Variants in ARSG observed in about 807,000 individuals in gnomAD.
ARSG encodes the protein arylsulfatase G, also known as ASG.
In ARSG, 37 loss-of-function variants were observed where a neutral mutation model predicts 50.5. The ratio of observed to expected loss-of-function variants is 0.73; its 90% confidence interval spans 0.56 to 0.96. The LOEUF is 0.96. Ranked by LOEUF, ARSG falls within the 50% of genes least tolerant of loss-of-function variation. The probability of loss-of-function intolerance (pLI) is 0.00; values close to 1 mark genes in which losing one functional copy is unlikely to be tolerated. For missense variants in ARSG, 629 were observed against 675.3 expected, an observed-to-expected ratio of 0.93 and a Z score of 0.76; for synonymous variants, 225 against 254.6, an observed-to-expected ratio of 0.88 and a Z score of 1.11.
At chr17:68,450,745 T>C in the ARSG span, 1 of 1,612,720 alleles carries the variant, frequency 6.2e-7, no homozygotes, top group Admixed American at 1.7e-5. Context: ...TTCAGCCTTA[T>C]GGACAAGATG....
chr17:68,435,484 C>G, the ARSG span: 1 of 835,884 alleles, frequency 1.2e-6, no homozygotes, highest in South Asian at 1.5e-5. Flanking sequence ...CAGAAATTCT[C>G]CCTCTGAAAC....
chr17:68,307,502 G>A lies in ARSG; in HGVS notation c.9G>A (p.Trp3Ter). Residue 3 changes from tryptophan to a stop codon, truncating the protein, a stop_gained, in exon 2 of 12, where the codon TGG (tryptophan) becomes TGA (stop). Coordinates refer to ENST00000621439, the MANE Select transcript of ARSG (RefSeq NM_001267727.2). LOFTEE classifies it high-confidence loss of function. The part of the protein sequence containing the change: MG[W>*]LFLKVLLAGV... ...ATCCTGCCTTCACCACCATGGGCTGGCTTTTTCTAAAGGTTTTGTTGGCGG... is the reference window on the plus strand; with the variant it reads ...ATCCTGCCTTCACCACCATGGGCTGACTTTTTCTAAAGGTTTTGTTGGCGG... The A allele has an allele frequency of 6.2e-7, 1 of 1,613,508 alleles. No individual in the cohort carries two copies. Among genetic ancestry groups the A allele is most frequent in the Non-Finnish European group, 8.5e-7 (1 of 1,179,580 alleles).
intron 2 of ARSG, among the ~76,000 whole-genome samples, chr17:68,332,765 C>T (rs893215407): frequency 2.0e-5 from 3 of 152,172 alleles, no homozygotes; most frequent in Non-Finnish European, 2.9e-5. Context: ...CCAGTCCCTC[C>T]GTTCGGGGTC....
chr17:68,321,680 C>T (rs1054898670), intron 2 of ARSG, among the ~76,000 whole-genome samples: 1 of 152,120 alleles, frequency 6.6e-6, no homozygotes, highest in Admixed American at 6.6e-5. Context: ...GCTAGCCTTC[C>T]CTGATTCTAA....
intron 3 of ARSG, among the ~76,000 whole-genome samples, chr17:68,346,326 T>C (rs1805446382): frequency 6.6e-6 from 1 of 152,158 alleles, no homozygotes; most frequent in Admixed American, 6.5e-5. Context: ...CTTGAAAAAA[T>C]AGATCGATAG....
At chr17:68,351,536 C>G in intron 4 of ARSG, 39 bp from the exon 5 acceptor site, 1 of 1,191,808 alleles carries the variant, frequency 8.4e-7, no homozygotes, top group South Asian at 1.2e-5. Context: ...CATGGAGTCG[C>G]AGCCACGTGG....
chr17:68,336,888 AAAAG>A lies in ARSG; in HGVS notation c.219-6708_219-6705del, dbSNP rs751165546. ...TAAATAAATAAACAAATAAATAAGAAAAAGAAAGAAAAATATTTGTACTAGTGTG... is the reference window on the plus strand; with the variant it reads ...TAAATAAATAAACAAATAAATAAGAAAAAGAAAAATATTTGTACTAGTGTG... On this transcript the variant is annotated intron_variant, in intron 2 of 11. Coordinates refer to ENST00000621439, the MANE Select transcript of ARSG (RefSeq NM_001267727.2). Among the ~76,000 whole-genome samples, 46 of 152,078 alleles carry A rather than the reference AAAAG, an allele frequency of 3.0e-4. 1 individual carries two copies. Among genetic ancestry groups the A allele is most frequent in the Admixed American group, 1.0e-3 (16 of 15,258 alleles).
chr17:68,430,122 C>T, the ARSG span: 1 of 1,614,052 alleles, frequency 6.2e-7, no homozygotes, highest in Non-Finnish European at 8.5e-7. Flanking sequence ...AAACATCTTT[C>T]CCATGTAGCC....
intron 5 of ARSG, among the ~76,000 whole-genome samples, chr17:68,353,733 G>T (rs1042175576): frequency 1.3e-5 from 2 of 152,054 alleles, no homozygotes; most frequent in African/African-American, 4.8e-5. Context: ...ATGGAGTCTC[G>T]TTCTGTTGCC....
At chr17:68,430,267 A>G in the ARSG span, 1 of 1,150,838 alleles carries the variant, frequency 8.7e-7, no homozygotes, top group Non-Finnish European at 1.2e-6. Context: ...CAGCAGGGAG[A>G]GACTGTGCCT....
chr17:68,298,465 T>C (rs1599612830), intron 1 of ARSG, among the ~76,000 whole-genome samples: 2 of 151,864 alleles, frequency 1.3e-5, no homozygotes, highest in East Asian at 3.9e-4. Flanking sequence ...CATGGTGGTG[T>C]GCATCTGTAG....
At chr17:68,428,922 G>A in the ARSG span, 1 of 1,613,822 alleles carries the variant, frequency 6.2e-7, no homozygotes, top group South Asian at 1.1e-5. Context: ...TAGCAGCCGT[G>A]GCAACTTCTG....
At chr17:68,291,316 GGCCGCCTGCGACCCGGGCCGTGCGTGCT>G (rs2075979561), upstream of ARSG, 1 of 84,354 alleles carries the variant, frequency 1.2e-5, no homozygotes, top group Non-Finnish European at 2.5e-5. Context: ...CCCCCACCCC[GGCCGCCTGCGACCCGGGCCGTGCGTGCT>G]GCCGCCCGCG....
At chr17:68,438,106 A>C in the ARSG span, among the ~76,000 whole-genome samples, 1 of 152,148 alleles carries the variant, frequency 6.6e-6, no homozygotes, top group South Asian at 2.1e-4. Context: ...AAGAAAGTAA[A>C]CATTTAGAGT....
intron 1 of ARSG, chr17:68,268,628 C>T (rs1331797974): frequency 1.3e-5 from 2 of 149,980 alleles, no homozygotes; most frequent in African/African-American, 4.9e-5. Flanking sequence ...TTTTGACTGG[C>T]CAATTTCATT....
chr17:68,426,251 G>GGGGGGGGGGC, downstream of ARSG: 1 of 825,460 alleles, frequency 1.2e-6, no homozygotes. Context: ...GTGGGGAGCG[G>GGGGGGGGGGC]GGGCTCAAAT....
At chr17:68,314,362 A>G (rs1036286603) in intron 2 of ARSG, among the ~76,000 whole-genome samples, 10 of 152,026 alleles carry the variant, frequency 6.6e-5, no homozygotes, top group African/African-American at 2.4e-4. Flanking sequence ...CCCCATCTCT[A>G]CTAAAAATAC....
In ARSG at chr17:68,307,109, T is replaced by C; in HGVS notation, c.-385T>C. On this transcript the variant is annotated 5_prime_UTR_variant, in exon 2 of 12. Transcript: ENST00000621439. ...AGATGTAAGGCCTGTGCTGTGGCTCTGAGGCCCTGAATACAGAAGGGTCAC... is the reference window on the plus strand; with the variant it reads ...AGATGTAAGGCCTGTGCTGTGGCTCCGAGGCCCTGAATACAGAAGGGTCAC... 5.1e-6 allele frequency: 1 copy of C among 196,010 alleles called. No individual in the cohort carries two copies. Among genetic ancestry groups the C allele is most frequent in the Non-Finnish European group, 1.0e-5 (1 of 95,452 alleles). 12.1% of individuals were successfully genotyped at this position (196,010 alleles called of 1,614,324 possible).
chr17:68,307,581 A>G lies in ARSG; in HGVS notation c.88A>G (p.Lys30Glu), dbSNP rs1555764785. The change falls in exon 2 of 12, where the codon AAA becomes GAA. Residue 30 changes from lysine (K) to glutamate (E), a missense_variant. Transcript: ENST00000621439. Reference protein sequence around the residue: ...YPLVDFCISGKTRGQKPNFVI... With the variant: ...YPLVDFCISGETRGQKPNFVI... ...TCTTGTGGATTTTTGCATCAGTGGG[A>G]AAACAAGAGGACAGAAGCCAAACTT... The G allele has an allele frequency of 1.9e-6, 3 of 1,613,898 alleles. No homozygotes were observed. Among genetic ancestry groups the G allele is most frequent in the East Asian group, 2.2e-5 (1 of 44,886 alleles).
Sources: allele counts gnomAD v4.1 joint callset (sites outside exome capture counted in the v4.1 genomes callset), GRCh38; gene constraint gnomAD v4.1.1; transcripts MANE v1.5; gene names NCBI Gene and HGNC (gene_info 2026-07-23, HGNC 2026-07-21).